The following FNIP2 variants were observed in gnomAD, a reference collection of about 807,000 sequenced individuals.
FNIP2 encodes folliculin-interacting protein 2.
In FNIP2, 32 loss-of-function variants were observed where a neutral mutation model predicts 108.7. The observed-to-expected ratio is 0.29, with a 90% confidence interval of 0.22 to 0.40. FNIP2 has a LOEUF of 0.40. FNIP2 is among the 10% of genes least tolerant of loss of function. The pLI is 1.00. For missense variants in FNIP2, 1,202 were observed against 1,381.6 expected, an observed-to-expected ratio of 0.87 and a Z score of 2.06; for synonymous variants, 480 against 496.7, an observed-to-expected ratio of 0.97 and a Z score of 0.45.
At chr4:158,843,451 A>G (rs1382877993) in intron 7 of FNIP2, among the ~76,000 whole-genome samples, 2 of 152,192 alleles carry the variant, frequency 1.3e-5, no homozygotes, top group Admixed American at 6.5e-5. Context: ...ATTTTTTTCT[A>G]GGATATGAGA....
Position 158,868,626 on chromosome 4 carries a change from A to G in FNIP2, c.1990A>G (p.Arg664Gly). The G allele has an allele frequency of 2.5e-6, 4 of 1,613,992 alleles. No homozygotes were observed. Among genetic ancestry groups the G allele is most frequent in the South Asian group, 2.2e-5 (2 of 91,078 alleles). Reference sequence around the variant, plus strand: ...AGAGGCACCGCAAGATGGCTCTTCAAGACTTCCCAGCTGTGAAGTTTTGGG... The same window carrying G: ...AGAGGCACCGCAAGATGGCTCTTCAGGACTTCCCAGCTGTGAAGTTTTGGG... ...NKEAPQDGSS[R>G]LPSCEVLGAG... Residue 664 changes from arginine (R) to glycine (G), a missense_variant, in exon 13 of 17, where the codon AGA (arginine) becomes GGA (glycine). Transcript: ENST00000264433. This position sits in a 1 kb window ranked among gnomAD's most constrained non-coding sequence, Gnocchi z 4.6.
chr4:158,849,128 G>A (rs746965752), intron 7 of FNIP2, among the ~76,000 whole-genome samples: 1 of 152,178 alleles, frequency 6.6e-6, no homozygotes, highest in Admixed American at 6.5e-5. Context: ...GATAAAGTAG[G>A]CCTAAGAATT....
chr4:158,882,868 G>T (rs928912238), intron 14 of FNIP2, among the ~76,000 whole-genome samples: 1 of 152,060 alleles, frequency 6.6e-6, no homozygotes, highest in African/African-American at 2.4e-5. Context: ...GCGGAAGGCC[G>T]CAGGGTCTTC....
chr4:158,902,568 C>A (rs1007556478), intron 16 of FNIP2, among the ~76,000 whole-genome samples: 1 of 152,218 alleles, frequency 6.6e-6, no homozygotes, highest in South Asian at 2.1e-4. Flanking sequence ...TTTAAGTCTG[C>A]TGAAGCTGTG....
At chr4:158,808,942 C>T (rs942543062) in intron 1 of FNIP2, among the ~76,000 whole-genome samples, 1 of 152,074 alleles carries the variant, frequency 6.6e-6, no homozygotes, top group Non-Finnish European at 1.5e-5. Flanking sequence ...CAGAAAGAAA[C>T]ATGTTGGTTG....
chr4:158,853,473 C>G (rs1416019458), intron 8 of FNIP2, among the ~76,000 whole-genome samples: 1 of 152,148 alleles, frequency 6.6e-6, no homozygotes, highest in Admixed American at 6.5e-5. Flanking sequence ...GTGTGCTGCA[C>G]CCATTAACTT....
At chr4:158,852,683 T>C (rs1348943482) in intron 8 of FNIP2, among the ~76,000 whole-genome samples, 4 of 152,194 alleles carry the variant, frequency 2.6e-5, no homozygotes, top group Non-Finnish European at 5.9e-5. Context: ...GTGAATTATT[T>C]ACTATTATTA....
At chr4:158,797,940 C>T (rs1396160772) in intron 1 of FNIP2, among the ~76,000 whole-genome samples, 1 of 152,200 alleles carries the variant, frequency 6.6e-6, no homozygotes, top group Non-Finnish European at 1.5e-5. Context: ...ACTCCATCAC[C>T]ACATCTGCTT....
chr4:158,779,841 C>T (rs1024116673), intron 1 of FNIP2, among the ~76,000 whole-genome samples: 4 of 151,366 alleles, frequency 2.6e-5, no homozygotes, highest in African/African-American at 4.9e-5. Flanking sequence ...CCCTGAGCCT[C>T]CCAAAGTGCT....
chr4:158,822,174 C>CTTTTT (rs70962634), intron 1 of FNIP2, among the ~76,000 whole-genome samples: 4 of 118,176 alleles, frequency 3.4e-5, no homozygotes, highest in Non-Finnish European at 5.3e-5. Context: ...GAGTTTTCCT[C>CTTTTT]TTTTTTTTTT....
chr4:158,850,332 A>C (rs1413210001), intron 7 of FNIP2, among the ~76,000 whole-genome samples: 1 of 152,046 alleles, frequency 6.6e-6, no homozygotes, highest in Non-Finnish European at 1.5e-5. Flanking sequence ...CCTTAGCCTT[A>C]GGGAAGTAAA....
chr4:158,881,303 CTCCCTCTCTCTTTCCACCGTCTCG>C (rs1166594112), intron 14 of FNIP2, among the ~76,000 whole-genome samples: 2 of 142,512 alleles, frequency 1.4e-5, no homozygotes, highest in Non-Finnish European at 3.0e-5. Context: ...CACGGTCTCC[CTCCCTCTCTCTTTCCACCGTCTCG>C]TCTCCCTCTC....
intron 5 of FNIP2, among the ~76,000 whole-genome samples, chr4:158,832,743 G>C (rs554241006): frequency 4.5e-4 from 69 of 152,162 alleles, no homozygotes; most frequent in Non-Finnish European, 9.0e-4. Context: ...ACATTGGAAT[G>C]TCATGACTTA....
At chr4:158,870,088 A>G (rs1335650570) in intron 13 of FNIP2, among the ~76,000 whole-genome samples, 6 of 152,152 alleles carry the variant, frequency 3.9e-5, no homozygotes. Flanking sequence ...TGAGGTACAA[A>G]AACAAACTCA....
At chr4:158,857,602 T>C (rs769719696) in intron 8 of FNIP2, among the ~76,000 whole-genome samples, 9 of 152,080 alleles carry the variant, frequency 5.9e-5, no homozygotes, top group Non-Finnish European at 1.2e-4. Context: ...TTAAGGGAAA[T>C]AGTAACACAT....
rs1729714963 is a variant in FNIP2 at position 158,905,086 on chromosome 4, C to G, written c.*542C>G. On this transcript the variant is annotated 3_prime_UTR_variant, in exon 17 of 17. Transcript: ENST00000264433. ...AAGCCACATTGTGCCATCTTCAGCT[C>G]CAGTGGCTTTAGCAGTGACTGTTTG... 1 of 153,000 alleles carries G rather than the reference C, an allele frequency of 6.5e-6. No individual in the cohort carries two copies. The highest frequency in any genetic ancestry group is 1.5e-5 in the Non-Finnish European group (1 of 68,564). The allele number at this position is 153,000 out of a possible 1,614,324, so 9.5% of individuals were successfully genotyped here. A position where few individuals can be genotyped will look rare whatever the true frequency, so the allele number is the denominator to read the frequency against.
chr4:158,769,325 G>T lies in FNIP2; in HGVS notation c.107+6G>T. The T allele has an allele frequency of 6.8e-7, 1 of 1,477,280 alleles. No homozygotes were observed. Among genetic ancestry groups the T allele is most frequent in the Non-Finnish European group, 9.0e-7 (1 of 1,112,852 alleles). The allele number at this position is 1,477,280 out of a possible 1,614,324, so 91.5% of individuals were successfully genotyped here. A position where few individuals can be genotyped will look rare whatever the true frequency, so the allele number is the denominator to read the frequency against. On this transcript the variant is annotated splice_donor_region_variant and intron_variant, in intron 1 of 16. Transcript: ENST00000264433. ...AAGGAAGGACCCGCCTTTAGGTGAGGGGGCGCCGGGGGGCAATTCTGGCGC... is the reference window on the plus strand; with the variant it reads ...AAGGAAGGACCCGCCTTTAGGTGAGTGGGCGCCGGGGGGCAATTCTGGCGC...
chr4:158,782,878 AGCGCACAACCTCTGCTT>A (rs970489666), intron 1 of FNIP2, among the ~76,000 whole-genome samples: 1 of 152,218 alleles, frequency 6.6e-6, no homozygotes, highest in African/African-American at 2.4e-5. Flanking sequence ...TGCCAAGGGA[AGCGCACAACCTCTGCTT>A]GCTCCAACTA....
rs1261545921 is a variant in FNIP2 at position 158,866,218 on chromosome 4, A to ATTTTTTT, written c.1466-1882_1466-1881insTTTTTTT. The stretch of plus-strand genomic sequence containing the variant: ...TTTGATTTGTTCCAATATTCTGGTT[A>ATTTTTTT]TTCTTTTTTTTTTTTTTTGAGACAG... On this transcript the variant is annotated intron_variant, in intron 12 of 16. Coordinates refer to ENST00000264433, the MANE Select transcript of FNIP2 (RefSeq NM_020840.3). Among the ~76,000 whole-genome samples, 62 of 12,362 alleles carry ATTTTTTT rather than the reference A, an allele frequency of 5.0e-3. 6 individuals are homozygous for ATTTTTTT. Among genetic ancestry groups the ATTTTTTT allele is most frequent in the African/African-American group, 0.011 (55 of 5,192 alleles). 8.1% of individuals were successfully genotyped at this position (12,362 alleles called of 152,430 possible). A position where few individuals can be genotyped will look rare whatever the true frequency, so the allele number is the denominator to read the frequency against.
Sources: allele counts gnomAD v4.1 joint callset (sites outside exome capture counted in the v4.1 genomes callset), GRCh38; gene constraint gnomAD v4.1.1; non-coding constraint Gnocchi (gnomAD v3.1); transcripts MANE v1.5; gene names NCBI Gene and HGNC (gene_info 2026-07-23, HGNC 2026-07-21).